Variants in ZNF565 observed in about 807,000 individuals in gnomAD.
ZNF565 encodes zinc finger protein 565.
Under a neutral mutation model 39.4 loss-of-function variants are expected in ZNF565, and 27 were observed. The ratio of observed to expected loss-of-function variants is 0.69; its 90% CI spans 0.51 to 0.95. The LOEUF is 0.95. ZNF565 is among the 40% of genes least tolerant of loss of function. ZNF565 has a pLI of 0.00. For missense variants in ZNF565, 524 were observed against 621.1 expected (o/e 0.84, Z 1.66); for synonymous variants, 185 against 216.6 (o/e 0.85, Z 1.28).
chr19:36,236,289 T>C, intron 1 of ZNF565: 1 of 926,156 alleles, frequency 1.1e-6, no homozygotes, highest in Non-Finnish European at 1.6e-6. Context: ...CTCTCAAACC[T>C]TATCCCTTAC....
At chr19:36,210,086 G>A (rs928171533) in intron 1 of ZNF565, among the ~76,000 whole-genome samples, 4 of 151,208 alleles carry the variant, frequency 2.6e-5, no homozygotes, top group African/African-American at 7.3e-5. Flanking sequence ...AAATAGTGAG[G>A]CCCTTGTCTC....
intron 1 of ZNF565, among the ~76,000 whole-genome samples, chr19:36,223,026 C>T (rs555330334): frequency 3.9e-5 from 6 of 152,156 alleles, no homozygotes; most frequent in African/African-American, 1.4e-4. Flanking sequence ...GTTGCACAGG[C>T]TGGCCTTGAA....
At chr19:36,228,914 G>C (rs1977197108) in intron 1 of ZNF565, 1 of 152,192 alleles carries the variant, frequency 6.6e-6, no homozygotes, top group Non-Finnish European at 1.5e-5. Context: ...TAGACATATA[G>C]AGTATTGCTT....
At chr19:36,211,449 TCACACACACACACA>T (rs370230430) in intron 1 of ZNF565, among the ~76,000 whole-genome samples, 8 of 137,676 alleles carry the variant, frequency 5.8e-5, no homozygotes, top group East Asian at 2.2e-4. Flanking sequence ...CAACTCTCTC[TCACACACACACACA>T]CACACACACA....
At chr19:36,230,193 TTTAA>T (rs1977266589) in intron 1 of ZNF565, among the ~76,000 whole-genome samples, 2 of 152,240 alleles carry the variant, frequency 1.3e-5, no homozygotes, top group African/African-American at 4.8e-5. Context: ...TGTTTATAAA[TTTAA>T]TTGAGATAAG....
At position 36,224,920 on chromosome 19, in the gene ZNF565, A is replaced by G. The variant is rs998955903; in HGVS notation, c.55+20556T>C. ...GTTTTATGTTGCTATGAATGGAGTCATTGTTGGCATATATGAAGCTGTTGA... is the reference window on the plus strand; with the variant it reads ...GTTTTATGTTGCTATGAATGGAGTCGTTGTTGGCATATATGAAGCTGTTGA... On this transcript the variant is annotated intron_variant, in intron 1 of 4. Coordinates refer to the ZNF565 transcript ENST00000355114. Among the ~76,000 whole-genome samples, 11 of 152,196 alleles carry G rather than the reference A, an allele frequency of 7.2e-5. No homozygotes were observed. The East Asian group carries it at 1.5e-3, about 21-fold the overall frequency.
At chr19:36,231,266 G>A (rs1568434574) in intron 1 of ZNF565, among the ~76,000 whole-genome samples, 1 of 152,186 alleles carries the variant, frequency 6.6e-6, no homozygotes, top group East Asian at 1.9e-4. Flanking sequence ...TTGGAGTGCG[G>A]TGGTGCCATC....
chr19:36,239,171 T>A (rs760549544), intron 1 of ZNF565, among the ~76,000 whole-genome samples: 2 of 152,186 alleles, frequency 1.3e-5, no homozygotes, highest in Non-Finnish European at 2.9e-5. Context: ...TTTTGCAGAA[T>A]GAGCTTAGAA....
intron 1 of ZNF565, among the ~76,000 whole-genome samples, chr19:36,225,336 A>C (rs1977019991): frequency 6.6e-6 from 1 of 152,172 alleles, no homozygotes. Flanking sequence ...TAAGATGTCT[A>C]TTCCTATTCT....
chr19:36,243,782 G>C (rs1977836707), intron 1 of ZNF565, among the ~76,000 whole-genome samples: 1 of 151,590 alleles, frequency 6.6e-6, no homozygotes, highest in Non-Finnish European at 1.5e-5. Flanking sequence ...GCTCAGTGCA[G>C]CCTTGACCCC....
chr19:36,233,933 C>T (rs1438468586), intron 1 of ZNF565, among the ~76,000 whole-genome samples: 2 of 152,230 alleles, frequency 1.3e-5, no homozygotes, highest in African/African-American at 2.4e-5. Context: ...GACTGGGGGA[C>T]GGTCAGGTCT....
chr19:36,218,613 C>A (rs1976711146), upstream of ZNF565, among the ~76,000 whole-genome samples: 1 of 151,444 alleles, frequency 6.6e-6, no homozygotes, highest in African/African-American at 2.4e-5. Context: ...CTACAGGTGC[C>A]AGCCACCACG....
rs888123273 is a variant in ZNF565 at position 36,208,482 on chromosome 19, G to C, written c.-66+6140C>G. On this transcript the variant is annotated intron_variant, in intron 1 of 4. Transcript: ENST00000304116. ...CCTAAAATGCTGGGATTGCAGGTGT[G>C]AGCCACTGTGCCCAGCCAACAAGTT... 3.3e-5 allele frequency among the ~76,000 whole-genome samples: 5 copies of C among 152,124 alleles called. No homozygotes were observed. In the East Asian group the frequency reaches 7.7e-4, roughly 23 times the overall value.
intron 1 of ZNF565, among the ~76,000 whole-genome samples, chr19:36,206,893 C>T (rs1216543240): frequency 6.6e-6 from 1 of 152,058 alleles, no homozygotes; most frequent in Non-Finnish European, 1.5e-5. Flanking sequence ...CAGATAAAAA[C>T]AAAGAAGATT....
chr19:36,201,367 T>G (rs1272529554), intron 2 of ZNF565, among the ~76,000 whole-genome samples: 1 of 152,146 alleles, frequency 6.6e-6, no homozygotes, highest in Non-Finnish European at 1.5e-5. Context: ...AAGATGAAAC[T>G]ACTTTATTTC....
At chr19:36,228,140 A>G (rs1454589533) in intron 1 of ZNF565, among the ~76,000 whole-genome samples, 1 of 146,626 alleles carries the variant, frequency 6.8e-6, no homozygotes, top group African/African-American at 2.5e-5. Flanking sequence ...AGCCTGGGCA[A>G]CAGGAGTGAA....
rs146926133 is a variant in ZNF565 at position 36,210,999 on chromosome 19, A to G, written c.-66+3623T>C. ...CAGTGGCCAAATGTGTGATAATTTG[A>G]GCAAAAAAAAAAAATGATAGCAATG... On this transcript the variant is annotated intron_variant, in intron 1 of 4. Coordinates refer to ENST00000304116, the MANE Select transcript of ZNF565 (RefSeq NM_152477.5). 4.8e-3 allele frequency among the ~76,000 whole-genome samples: 718 copies of G among 150,832 alleles called. 11 individuals are homozygous for G. Among genetic ancestry groups the G allele is most frequent in the African/African-American group, 0.017 (678 of 40,364 alleles).
intron 1 of ZNF565, among the ~76,000 whole-genome samples, chr19:36,230,825 T>C (rs1977317571): frequency 2.6e-5 from 4 of 152,104 alleles, no homozygotes; most frequent in African/African-American, 9.7e-5. Context: ...TTTTTGAGAC[T>C]GAGTCTTGCT....
At chr19:36,244,049 G>T (rs975482979) in intron 1 of ZNF565, among the ~76,000 whole-genome samples, 13 of 151,984 alleles carry the variant, frequency 8.6e-5, no homozygotes, top group African/African-American at 3.1e-4. Context: ...CTTGCACCAA[G>T]AACAGCCCCA....
Sources: gnomAD v4.1 joint callset for allele counts (sites outside exome capture counted in the v4.1 genomes callset) on GRCh38, gnomAD v4.1.1 for gene constraint, MANE v1.5 for transcripts, NCBI Gene and HGNC (gene_info 2026-07-23, HGNC 2026-07-21) for gene names.